The following CTNNA3 variants were observed in gnomAD, a reference collection of about 807,000 sequenced individuals.
CTNNA3 encodes catenin alpha-3.
CTNNA3 carries 76 observed loss-of-function variants against 95.7 expected under a neutral mutation model. The ratio of observed to expected loss-of-function variants is 0.79; its 90% CI spans 0.66 to 0.96. CTNNA3 has a LOEUF of 0.96. Among genes scored for constraint, CTNNA3 ranks in the 40% least tolerant of loss-of-function variants. The pLI, the probability that CTNNA3 is intolerant of heterozygous loss-of-function variation, is 0.00. For missense variants in CTNNA3, 1,191 were observed against 1,089.8 expected (o/e 1.09, Z -1.31); for synonymous variants, 431 against 374.4 (o/e 1.15, Z -1.74).
intron 11 of CTNNA3, among the ~76,000 whole-genome samples, chr10:66,391,903 C>G (rs1029741111): frequency 6.6e-6 from 1 of 151,680 alleles, no homozygotes; most frequent in African/African-American, 2.4e-5. Flanking sequence ...AGAGTGCTAT[C>G]CAGAAGAAAA....
chr10:66,312,421 T>C (rs1170751676), intron 12 of CTNNA3, among the ~76,000 whole-genome samples: 1 of 152,074 alleles, frequency 6.6e-6, no homozygotes, highest in East Asian at 1.9e-4. Flanking sequence ...TACAAATGTG[T>C]GTTTTTGTGT....
At chr10:67,641,227 A>C (rs1839521088) in intron 2 of CTNNA3, among the ~76,000 whole-genome samples, 1 of 152,216 alleles carries the variant, frequency 6.6e-6, no homozygotes, top group Non-Finnish European at 1.5e-5. Flanking sequence ...AAAAGAAGAC[A>C]TTTATGCAGC....
intron 5 of CTNNA3, among the ~76,000 whole-genome samples, chr10:67,434,786 G>A (rs753438897): frequency 6.6e-6 from 1 of 151,970 alleles, no homozygotes; most frequent in Non-Finnish European, 1.5e-5. Flanking sequence ...AGGAACCTGA[G>A]TTTGATGAAA....
chr10:66,037,312 C>G (rs72791471), intron 15 of CTNNA3, among the ~76,000 whole-genome samples: 2 of 152,132 alleles, frequency 1.3e-5, no homozygotes, highest in Non-Finnish European at 2.9e-5. Flanking sequence ...AGAATAAACA[C>G]TAGTTAATAT....
rs376128413 is a variant in CTNNA3, at chr10:66,358,934, C to A, written c.1732+20218G>T. Among the ~76,000 whole-genome samples, 69 of 152,218 alleles carry A rather than the reference C, an allele frequency of 4.5e-4. 1 individual carries two copies. In the South Asian group the frequency reaches 0.014, roughly 31 times the overall value. ...TAATCTATTCCTTTTTGCCCCTATTCATTTTGTTCCTTAACATATTCCTGC... is the reference window on the plus strand; with the variant it reads ...TAATCTATTCCTTTTTGCCCCTATTAATTTTGTTCCTTAACATATTCCTGC... On this transcript the variant is annotated intron_variant, in intron 12 of 17. Transcript: ENST00000433211.
chr10:67,085,226 T>G (rs1462993175), intron 7 of CTNNA3, among the ~76,000 whole-genome samples: 3 of 151,884 alleles, frequency 2.0e-5, no homozygotes, highest in African/African-American at 7.2e-5. Flanking sequence ...AAGCCATAGT[T>G]GAAAGAAAAT....
At chr10:67,651,840 T>A (rs76065323) in intron 1 of CTNNA3, among the ~76,000 whole-genome samples, 7,233 of 152,258 alleles carry the variant, frequency 0.048, 584 homozygotes, top group African/African-American at 0.17. Context: ...TACTGCCCTT[T>A]ATTTACAAAT....
chr10:67,139,242 C>T (rs1472588803), intron 7 of CTNNA3, among the ~76,000 whole-genome samples: 1 of 151,952 alleles, frequency 6.6e-6, no homozygotes, highest in African/African-American at 2.4e-5. Flanking sequence ...AAGTGCTTCT[C>T]CTGCTTCAGC....
chr10:66,781,215 TTTG>T (rs1485240191), intron 7 of CTNNA3, among the ~76,000 whole-genome samples: 1 of 151,286 alleles, frequency 6.6e-6, no homozygotes, highest in South Asian at 2.1e-4. Context: ...TGTTGTTGTT[TTTG>T]TTGTTGTTAT....
At chr10:67,044,463 T>G (rs560590459) in intron 7 of CTNNA3, among the ~76,000 whole-genome samples, 35 of 152,174 alleles carry the variant, frequency 2.3e-4, no homozygotes, top group Admixed American at 2.3e-3. Flanking sequence ...CAAAATGGAT[T>G]GTCTAAAATT....
At chr10:66,622,224 T>C (rs1564574585) in intron 9 of CTNNA3, among the ~76,000 whole-genome samples, 1 of 152,174 alleles carries the variant, frequency 6.6e-6, no homozygotes, top group Non-Finnish European at 1.5e-5. Flanking sequence ...AGTATGACTG[T>C]ATCTTTATAC....
At chr10:66,208,160 C>T (rs568576842) in intron 13 of CTNNA3, among the ~76,000 whole-genome samples, 13 of 151,972 alleles carry the variant, frequency 8.6e-5, no homozygotes, top group East Asian at 1.9e-4. Flanking sequence ...AGGTGAAGAA[C>T]GACTAATGAT....
At chr10:67,208,891 A>G (rs1463674979) in intron 6 of CTNNA3, among the ~76,000 whole-genome samples, 1 of 152,222 alleles carries the variant, frequency 6.6e-6, no homozygotes, top group East Asian at 1.9e-4. Context: ...AAGGAAGCCA[A>G]GAATATCAAT....
intron 11 of CTNNA3, among the ~76,000 whole-genome samples, chr10:66,506,893 T>C (rs1321578760): frequency 1.3e-5 from 2 of 152,196 alleles, no homozygotes; most frequent in South Asian, 2.1e-4. Context: ...AAATTGGTTA[T>C]AATTATATTG....
At chr10:65,977,251 G>A (rs2078224182) in intron 16 of CTNNA3, among the ~76,000 whole-genome samples, 2 of 151,912 alleles carry the variant, frequency 1.3e-5, no homozygotes, top group South Asian at 4.1e-4. Flanking sequence ...GTAAGCAGAT[G>A]GCATTTCAGC....
chr10:67,662,563 G>A (rs761399605), intron 1 of CTNNA3, among the ~76,000 whole-genome samples: 1 of 152,170 alleles, frequency 6.6e-6, no homozygotes, highest in African/African-American at 2.4e-5. Context: ...TGACATGAAC[G>A]AATATCAAAA....
intron 3 of CTNNA3, among the ~76,000 whole-genome samples, chr10:67,569,286 C>T (rs1162491858): frequency 6.6e-6 from 1 of 152,130 alleles, no homozygotes; most frequent in Non-Finnish European, 1.5e-5. Context: ...TTGGGAAGTA[C>T]TTAATATGTG....
At chr10:66,523,304 T>C (rs74141572) in intron 10 of CTNNA3, among the ~76,000 whole-genome samples, 4,015 of 152,306 alleles carry the variant, frequency 0.026, 186 homozygotes, top group African/African-American at 0.091. Flanking sequence ...TATGAAGTTA[T>C]GAATATAAGA....
chr10:67,138,248 C>T (rs1860389940), intron 7 of CTNNA3, among the ~76,000 whole-genome samples: 1 of 152,124 alleles, frequency 6.6e-6, no homozygotes. Context: ...AAACACAGTA[C>T]ACATGTCCCA....
Sources: allele counts gnomAD v4.1 joint callset (sites outside exome capture counted in the v4.1 genomes callset), GRCh38; gene constraint gnomAD v4.1.1; transcripts MANE v1.5; gene names NCBI Gene and HGNC (gene_info 2026-07-23, HGNC 2026-07-21).